PCDH15: variants seen among roughly 807,000 people sequenced by gnomAD.
PCDH15 encodes protocadherin-15.
A neutral mutation model predicts 178.5 loss-of-function variants in PCDH15; 129 were observed. The observed-to-expected ratio is 0.72, with a 90% CI of 0.63 to 0.84. PCDH15 has a LOEUF of 0.84. Among genes scored for constraint, PCDH15 ranks in the 40% least tolerant of loss-of-function variants. The pLI is 0.00. For missense variants in PCDH15, 2,230 were observed against 2,099.9 expected (o/e 1.06, Z -1.21); for synonymous variants, 800 against 732.0 (o/e 1.09, Z -1.50).
At chr10:54,865,827 A>G (rs1453465712) in intron 3 of PCDH15, among the ~76,000 whole-genome samples, 1 of 152,234 alleles carries the variant, frequency 6.6e-6, no homozygotes, top group African/African-American at 2.4e-5. Context: ...TGTTTGGAGA[A>G]CTTAGCTTAA....
At chr10:54,555,840 G>A (rs2087187618) in intron 2 of PCDH15, among the ~76,000 whole-genome samples, 1 of 151,830 alleles carries the variant, frequency 6.6e-6, no homozygotes, top group African/African-American at 2.4e-5. Context: ...GGAGTACAAG[G>A]AGCCTGGTAT....
At chr10:54,241,664 A>G (rs187416584) in intron 8 of PCDH15, among the ~76,000 whole-genome samples, 1 of 152,268 alleles carries the variant, frequency 6.6e-6, no homozygotes, top group Admixed American at 6.5e-5. Flanking sequence ...GTTGATAAGC[A>G]TATATTAGAA....
intron 37 of PCDH15, chr10:53,808,633 G>A (rs941386619): frequency 3.2e-6 from 5 of 1,551,960 alleles, no homozygotes; most frequent in Non-Finnish European, 4.4e-6. Context: ...AGAACACACA[G>A]AAGGCACTGC....
intron 13 of PCDH15, among the ~76,000 whole-genome samples, chr10:54,177,768 A>G (rs906335506): frequency 1.3e-5 from 2 of 152,172 alleles, no homozygotes; most frequent in East Asian, 3.9e-4. Context: ...GCATCATGAT[A>G]TAGCTGCCTC....
intron 2 of PCDH15, among the ~76,000 whole-genome samples, chr10:55,358,439 T>G (rs1845132008): frequency 1.3e-5 from 2 of 152,242 alleles, no homozygotes; most frequent in South Asian, 4.1e-4. Context: ...TTCCTATGAA[T>G]GATTCTTCTA....
chr10:55,347,540 T>C (rs1398161121), intron 2 of PCDH15, among the ~76,000 whole-genome samples: 2 of 152,128 alleles, frequency 1.3e-5, no homozygotes, highest in Admixed American at 6.6e-5. Flanking sequence ...AGGACAAAAA[T>C]TAGTGGTTTA....
At chr10:55,052,291 CG>C (rs1841182152) in intron 2 of PCDH15, among the ~76,000 whole-genome samples, 1 of 149,056 alleles carries the variant, frequency 6.7e-6, no homozygotes, top group African/African-American at 2.5e-5. Flanking sequence ...GGGATTTCAC[CG>C]TGTTAGCCAG....
chr10:55,338,358 G>GT (rs35952023), intron 2 of PCDH15, among the ~76,000 whole-genome samples: 30 of 152,176 alleles, frequency 2.0e-4, no homozygotes, highest in Non-Finnish European at 3.8e-4. Flanking sequence ...TATGCTTATT[G>GT]TATGACTATT....
intron 1 of PCDH15, among the ~76,000 whole-genome samples, chr10:54,686,395 C>T (rs183020455): frequency 6.6e-6 from 1 of 152,162 alleles, no homozygotes; most frequent in East Asian, 1.9e-4. Context: ...GAATGCTTTA[C>T]AGAGTTATTG....
At chr10:55,297,642 A>G (rs1260672682) in intron 1 of PCDH15, among the ~76,000 whole-genome samples, 1 of 152,066 alleles carries the variant, frequency 6.6e-6, no homozygotes, top group Non-Finnish European at 1.5e-5. Context: ...TGATTAAAAA[A>G]TTTATTAATT....
chr10:53,838,099 C>T (rs1271279904), intron 29 of PCDH15, among the ~76,000 whole-genome samples: 2 of 151,748 alleles, frequency 1.3e-5, no homozygotes, highest in African/African-American at 4.8e-5. Flanking sequence ...CCTCAGCCTC[C>T]CAAGTGGCTG....
intron 2 of PCDH15, among the ~76,000 whole-genome samples, chr10:54,641,552 A>T (rs368308903): frequency 4.0e-5 from 6 of 151,712 alleles, no homozygotes; most frequent in South Asian, 2.1e-4. Flanking sequence ...CATTTGCAAT[A>T]AATCATACAC....
chr10:55,343,806 A>G (rs1157881653), intron 2 of PCDH15, among the ~76,000 whole-genome samples: 1 of 152,168 alleles, frequency 6.6e-6, no homozygotes, highest in Non-Finnish European at 1.5e-5. Flanking sequence ...TTGAACACAT[A>G]TTACGTGCCA....
chr10:54,757,684 C>T (rs1947338652), intron 1 of PCDH15, among the ~76,000 whole-genome samples: 1 of 152,016 alleles, frequency 6.6e-6, no homozygotes. Context: ...AAGTAAGAGA[C>T]CTAAATAAGA....
intron 2 of PCDH15, among the ~76,000 whole-genome samples, chr10:54,617,360 G>A (rs2093199337): frequency 6.6e-6 from 1 of 152,004 alleles, no homozygotes; most frequent in Non-Finnish European, 1.5e-5. Context: ...TAACTTATTT[G>A]TGAATCTGCT....
chr10:55,167,386 G>A (rs1226534640), intron 1 of PCDH15, among the ~76,000 whole-genome samples: 1 of 152,066 alleles, frequency 6.6e-6, no homozygotes, highest in Non-Finnish European at 1.5e-5. Context: ...AAGGTGCTGG[G>A]CTTACAGGTG....
At chr10:54,692,551 G>A (rs2095140755) in intron 1 of PCDH15, among the ~76,000 whole-genome samples, 1 of 152,040 alleles carries the variant, frequency 6.6e-6, no homozygotes, top group East Asian at 1.9e-4. Flanking sequence ...GCCTTCCCTG[G>A]GACATCTCAT....
At chr10:54,746,736 G>A in intron 1 of PCDH15, among the ~76,000 whole-genome samples, 1 of 152,054 alleles carries the variant, frequency 6.6e-6, no homozygotes, top group East Asian at 1.9e-4. Flanking sequence ...CCACTCTAAA[G>A]TTTGATGATA....
At chr10:54,829,075 GTTTCCAAGGT>G (rs1953180438) in intron 3 of PCDH15, among the ~76,000 whole-genome samples, 1 of 151,954 alleles carries the variant, frequency 6.6e-6, no homozygotes, top group African/African-American at 2.4e-5. Context: ...AGGAAATTAG[GTTTCCAAGGT>G]TAGTTTTTGT....
Sources: gnomAD v4.1 joint callset for allele counts (sites outside exome capture counted in the v4.1 genomes callset) on GRCh38, gnomAD v4.1.1 for gene constraint, MANE v1.5 for transcripts, NCBI Gene and HGNC (gene_info 2026-07-23, HGNC 2026-07-21) for gene names.